Variants in LPL observed in about 807,000 individuals in gnomAD.
LPL encodes phospholipase A1.
In LPL, 43 loss-of-function variants were observed where a neutral mutation model predicts 52.2. The ratio of observed to expected loss-of-function variants is 0.82; its 90% CI spans 0.64 to 1.06. LPL has a LOEUF of 1.06. Ranked by LOEUF, LPL falls within the 50% of genes least tolerant of loss-of-function variation. LPL has a pLI of 0.00. For missense variants in LPL, 639 were observed against 585.3 expected (o/e 1.09, Z -0.95); for synonymous variants, 244 against 215.6 (o/e 1.13, Z -1.15).
chr8:19,952,351 A>G (rs1245955668), intron 3 of LPL, among the ~76,000 whole-genome samples: 1 of 152,194 alleles, frequency 6.6e-6, no homozygotes, highest in African/African-American at 2.4e-5. Context: ...AAATATTAAT[A>G]GTACTTATTC....
At chr8:19,943,747 TTAA>T (rs2069860114) in intron 1 of LPL, among the ~76,000 whole-genome samples, 1 of 152,218 alleles carries the variant, frequency 6.6e-6, no homozygotes, top group African/African-American at 2.4e-5. Flanking sequence ...TGGGGCAATT[TTAA>T]TACACATCTC....
At position 19,960,966 on chromosome 8, in the gene LPL, T is replaced by C. The variant is rs1392526145; in HGVS notation, c.1205T>C (p.Leu402Pro). Residue 402 changes from leucine to proline, a missense_variant, in exon 8 of 10, where the codon CTA (leucine) becomes CCA (proline). Coordinates refer to ENST00000650287, the MANE Select transcript of LPL (RefSeq NM_000237.3). The stretch of plus-strand genomic sequence containing the variant: ...TACACAGAGGTAGATATTGGAGAAC[T>C]ACTCATGTTGAAGCTCAAATGGAAG... Reference protein sequence around the residue: ...LIYTEVDIGELLMLKLKWKSD... With the variant: ...LIYTEVDIGEPLMLKLKWKSD... The C allele has an allele frequency of 6.2e-7, 1 of 1,613,958 alleles. No homozygotes were observed. Among genetic ancestry groups the C allele is most frequent in the African/African-American group, 1.3e-5 (1 of 74,928 alleles).
chr8:19,948,249 C>T lies in LPL; in HGVS notation c.158C>T (p.Thr53Ile). Residue 53 changes from threonine to isoleucine, a missense_variant, in exon 2 of 10, where the codon ACT becomes ATT. Transcript: ENST00000650287. ...ACCCCTGAAGACACAGCTGAGGACACTTGCCACCTCATTCCCGGAGTAGCA... is the reference window on the plus strand; with the variant it reads ...ACCCCTGAAGACACAGCTGAGGACATTTGCCACCTCATTCCCGGAGTAGCA... ...LRTPEDTAED[T>I]CHLIPGVAES... 1.2e-6 allele frequency: 2 copies of T among 1,614,138 alleles called. No homozygotes were observed. The highest frequency in any genetic ancestry group is 1.3e-5 in the African/African-American group (1 of 75,020).
intron 2 of LPL, among the ~76,000 whole-genome samples, chr8:19,951,460 C>A (rs1590141296): frequency 6.6e-6 from 1 of 152,182 alleles, no homozygotes; most frequent in Non-Finnish European, 1.5e-5. Flanking sequence ...TCAGACCAAT[C>A]TTTCCTTTTA....
Position 19,944,518 on chromosome 8 carries a change from A to G in LPL, c.89-3662A>G, listed in dbSNP as rs1446559011. 6.6e-6 allele frequency among the ~76,000 whole-genome samples: 1 copy of G among 152,068 alleles called. No individual in the cohort carries two copies. Among genetic ancestry groups the G allele is most frequent in the African/African-American group, 2.4e-5 (1 of 41,420 alleles). ...AAATTCCAAAGAGAATTGCATTCTC[A>G]TTGAGTTCTTGTACCTCATGTCATT... On this transcript the variant is annotated intron_variant, in intron 1 of 9. Coordinates refer to ENST00000650287, the MANE Select transcript of LPL (RefSeq NM_000237.3). This position sits in a 1 kb window ranked among gnomAD's most constrained non-coding sequence, Gnocchi z 4.2.
intron 2 of LPL, 122 bp from the exon 3 acceptor site, chr8:19,951,647 A>G: frequency 2.9e-6 from 3 of 1,041,286 alleles, no homozygotes; most frequent in Non-Finnish European, 3.0e-6. Flanking sequence ...TGATTTTTCT[A>G]TCTGTGCCAA....
chr8:19,966,138 A>C lies in LPL; in HGVS notation c.*828A>C, dbSNP rs1243571209. The C allele has an allele frequency of 6.6e-6, 1 of 152,050 alleles. No homozygotes were observed. The highest frequency in any genetic ancestry group is 1.5e-5 in the Non-Finnish European group (1 of 68,020). 9.4% of individuals were successfully genotyped at this position (152,050 alleles called of 1,614,324 possible). ...GAATGGTGCAGAAAAAAAAAAAGAA[A>C]CCGTAATTTTATTATTAGATTCTCC... On this transcript the variant is annotated 3_prime_UTR_variant, in exon 10 of 10. Coordinates refer to ENST00000650287, the MANE Select transcript of LPL (RefSeq NM_000237.3).
intron 6 of LPL, 63 bp from the exon 7 acceptor site, chr8:19,959,197 C>A: frequency 1.2e-6 from 2 of 1,607,932 alleles, no homozygotes; most frequent in Non-Finnish European, 1.7e-6. Context: ...AATTGCCTGA[C>A]TATTTGGGGT....
At chr8:19,962,405 T>C (rs2070048028) in intron 9 of LPL, among the ~76,000 whole-genome samples, 186 bp downstream of exon 9, 1 of 152,188 alleles carries the variant, frequency 6.6e-6, no homozygotes, top group Non-Finnish European at 1.5e-5. Context: ...ATGCAATACT[T>C]CCTCTTTTTT....
rs1424686491 is a variant in LPL at position 19,950,897 on chromosome 8, T to TGAAGGAAG, written c.250-860_250-853dup. On this transcript the variant is annotated intron_variant, in intron 2 of 9. Coordinates refer to ENST00000650287, the MANE Select transcript of LPL (RefSeq NM_000237.3). The surrounding 1 kb of genome is among the most constrained non-coding windows in gnomAD (Gnocchi z 4.2). Reference sequence around the variant, plus strand: ...AGGGAGGGAGGAAGGAAGGAAGGAATGAAGGAAGGAAGGAAGGAATGAAGG... The same window carrying TGAAGGAAG: ...AGGGAGGGAGGAAGGAAGGAAGGAATGAAGGAAGGAAGGAAGGAAGGAAGGAATGAAGG... Among the ~76,000 whole-genome samples, 1 of 99,828 alleles carries TGAAGGAAG rather than the reference T, an allele frequency of 1.0e-5. No individual in the cohort carries two copies. Among genetic ancestry groups the TGAAGGAAG allele is most frequent in the African/African-American group, 4.0e-5 (1 of 25,288 alleles). The allele number at this position is 99,828 out of a possible 152,430, so 65.5% of individuals were successfully genotyped here.
rs1196519365 is a variant in LPL, at chr8:19,965,894, C to T, written c.*584C>T. ...AGGGACGAAGAAAGGGTCTGATAAA[C>T]ACAGAGGTTTTAAACAGTCCCTACC... is the stretch of plus-strand genomic sequence containing the variant. On this transcript the variant is annotated 3_prime_UTR_variant, in exon 10 of 10. Transcript: ENST00000650287. The T allele has an allele frequency of 1.3e-5, 2 of 152,570 alleles. No individual in the cohort carries two copies. The highest frequency in any genetic ancestry group is 4.8e-5 in the African/African-American group (2 of 41,430). The allele number at this position is 152,570 out of a possible 1,614,324, so 9.5% of individuals were successfully genotyped here.
chr8:19,966,766 T>C lies in LPL; in HGVS notation c.*1456T>C, dbSNP rs1310371921. On this transcript the variant is annotated 3_prime_UTR_variant, in exon 10 of 10. Transcript: ENST00000650287. ...TCGACCCTTTCTCTGAGAGAGATGA[T>C]CGTGCCTATAAATAGTAGGACCAAT... 1.3e-5 allele frequency: 2 copies of C among 152,214 alleles called. No homozygotes were observed. Among genetic ancestry groups the C allele is most frequent in the Non-Finnish European group, 2.9e-5 (2 of 68,042 alleles). 9.4% of individuals were successfully genotyped at this position (152,214 alleles called of 1,614,324 possible). A position where few individuals can be genotyped will look rare whatever the true frequency, so the allele number is the denominator to read the frequency against.
Position 19,959,276 on chromosome 8 carries a change from A to G in LPL, c.1035A>G (p.Val345=), listed in dbSNP as rs1267893391. ...QMPYKVFHYQ[V]KIHFSGTESE... ...CCCCAACAGTCTTCCATTACCAAGT[A>G]AAGATTCATTTTTCTGGGACTGAGA... Residue 345 remains valine, a synonymous_variant, in exon 7 of 10, where the codon GTA becomes GTG. Coordinates refer to ENST00000650287, the MANE Select transcript of LPL (RefSeq NM_000237.3). The G allele has an allele frequency of 3.7e-6, 6 of 1,614,142 alleles. No individual in the cohort carries two copies. The highest frequency in any genetic ancestry group is 5.1e-6 in the Non-Finnish European group (6 of 1,180,006).
Position 19,953,330 on chromosome 8 carries a change from G to A in LPL, c.450G>A (p.Leu150=). 1 of 1,613,112 alleles carries A rather than the reference G, an allele frequency of 6.2e-7. No homozygotes were observed. Among genetic ancestry groups the A allele is most frequent in the Non-Finnish European group, 8.5e-7 (1 of 1,179,154 alleles). The change falls in exon 4 of 10, where the codon CTG becomes CTA. Residue 150 remains leucine (L), a synonymous_variant. Transcript: ENST00000650287. ...CAAAGGAGGAGTTTAACTACCCTCT[G>A]GACAATGTCCATCTCTTGGGATACA... ...NWMEEEFNYP[L]DNVHLLGYSL...
rs1563561310 is a variant in LPL, at chr8:19,939,378, C to CGGCTCA, written c.-61_-56dup. The CGGCTCA allele has an allele frequency of 2.6e-6, 4 of 1,514,108 alleles. No individual in the cohort carries two copies. Among genetic ancestry groups the CGGCTCA allele is most frequent in the Non-Finnish European group, 3.6e-6 (4 of 1,114,470 alleles). The allele number at this position is 1,514,108 out of a possible 1,614,324, so 93.8% of individuals were successfully genotyped here. On this transcript the variant is annotated 5_prime_UTR_variant, in exon 1 of 10. Transcript: ENST00000650287. This position sits in a 1 kb window ranked among gnomAD's most constrained non-coding sequence, Gnocchi z 4.0. ...CGCGGCTCCAGCCCTCTCCAGCCTC[C>CGGCTCA]GGCTCAGCCGGCTCATCAGTCGGTC...
intron 9 of LPL, 105 bp from the exon 10 acceptor site, chr8:19,965,204 AT>A: frequency 1.3e-6 from 1 of 751,462 alleles, no homozygotes; most frequent in Non-Finnish European, 2.5e-6. Flanking sequence ...TTGTTCTGAA[AT>A]TCCATTTGAA....
chr8:19,952,569 T>C (rs956556630), intron 3 of LPL, among the ~76,000 whole-genome samples: 2 of 152,194 alleles, frequency 1.3e-5, no homozygotes, highest in Non-Finnish European at 2.9e-5. Flanking sequence ...GCTGATACTC[T>C]GACCAAGGCA....
chr8:19,958,547 C>T (rs1451645279), intron 6 of LPL, among the ~76,000 whole-genome samples: 1 of 150,484 alleles, frequency 6.6e-6, no homozygotes, highest in East Asian at 1.9e-4. Context: ...ACTGATGGCT[C>T]AATGAAATAA....
rs750594245 is a variant in LPL at position 19,948,248 on chromosome 8, A to G, written c.157A>G (p.Thr53Ala). 12 of 1,614,128 alleles carry G rather than the reference A, an allele frequency of 7.4e-6. No individual in the cohort carries two copies. In the South Asian group the frequency reaches 1.2e-4, roughly 16 times the overall value. ...GACCCCTGAAGACACAGCTGAGGAC[A>G]CTTGCCACCTCATTCCCGGAGTAGC... is the stretch of plus-strand genomic sequence containing the variant. ...LRTPEDTAED[T>A]CHLIPGVAES... The change falls in exon 2 of 10, where the codon ACT (threonine) becomes GCT (alanine). Residue 53 changes from threonine (T) to alanine (A), a missense_variant. Physicochemically the swap from Thr to Ala is moderately conservative, Grantham distance 58. Coordinates refer to ENST00000650287, the MANE Select transcript of LPL (RefSeq NM_000237.3).
Sources: allele counts gnomAD v4.1 joint callset (sites outside exome capture counted in the v4.1 genomes callset), GRCh38; gene constraint gnomAD v4.1.1; non-coding constraint Gnocchi (gnomAD v3.1); transcripts MANE v1.5; gene names NCBI Gene and HGNC (gene_info 2026-07-23, HGNC 2026-07-21).